GALNT13: variants seen among roughly 807,000 people sequenced by gnomAD.
GALNT13 encodes UDP-GalNAc:polypeptide N-acetylgalactosaminyltransferase 13.
In GALNT13, 28 loss-of-function variants were observed where a neutral mutation model predicts 64.2. That is an observed-to-expected ratio of 0.44 (90% CI 0.32 to 0.60). GALNT13 has a LOEUF of 0.60. Ranked by LOEUF, GALNT13 falls within the 20% of genes least tolerant of loss-of-function variation. GALNT13 has a pLI of 0.05. For missense variants in GALNT13, 577 were observed against 669.8 expected, an observed-to-expected ratio of 0.86 and a Z score of 1.53; for synonymous variants, 214 against 224.6, an observed-to-expected ratio of 0.95 and a Z score of 0.42.
chr2:154,278,808 G>A (rs557927302), intron 8 of GALNT13, among the ~76,000 whole-genome samples: 1 of 151,930 alleles, frequency 6.6e-6, no homozygotes, highest in Non-Finnish European at 1.5e-5. Flanking sequence ...ACATGTAGTG[G>A]GGGAAAAATC....
chr2:153,391,079 G>T, the GALNT13 span, among the ~76,000 whole-genome samples: 1 of 151,906 alleles, frequency 6.6e-6, no homozygotes, highest in East Asian at 1.9e-4. Context: ...TGGGGGAAAA[G>T]CACTCCAGGC....
the GALNT13 span, among the ~76,000 whole-genome samples, chr2:153,628,920 G>A: frequency 6.6e-6 from 1 of 152,200 alleles, no homozygotes; most frequent in African/African-American, 2.4e-5. Context: ...CAGAATGAGT[G>A]GTACCAGTTC....
chr2:153,520,972 A>G, the GALNT13 span, among the ~76,000 whole-genome samples: 1 of 152,210 alleles, frequency 6.6e-6, no homozygotes, highest in Non-Finnish European at 1.5e-5. Flanking sequence ...GAATGTTTAT[A>G]CATTCCCTAT....
At chr2:154,198,128 A>G (rs567183197) in intron 4 of GALNT13, among the ~76,000 whole-genome samples, 1 of 152,228 alleles carries the variant, frequency 6.6e-6, no homozygotes, top group Non-Finnish European at 1.5e-5. Context: ...CCTTTTTAAG[A>G]AATTAAAAAG....
the GALNT13 span, among the ~76,000 whole-genome samples, chr2:153,395,474 A>T: frequency 6.6e-6 from 1 of 152,110 alleles, no homozygotes; most frequent in Admixed American, 6.6e-5. Context: ...GGGGTATTCC[A>T]TTTGGACACC....
the GALNT13 span, among the ~76,000 whole-genome samples, chr2:153,661,623 A>G: frequency 6.6e-6 from 1 of 152,312 alleles, no homozygotes; most frequent in Non-Finnish European, 1.5e-5. Context: ...ATACGGGCAT[A>G]TATGGCCACT....
chr2:153,468,940 A>C, the GALNT13 span, among the ~76,000 whole-genome samples: 1 of 152,074 alleles, frequency 6.6e-6, no homozygotes, highest in South Asian at 2.1e-4. Context: ...GTATGGAAAA[A>C]CTATCGCTGA....
At chr2:153,960,433 T>C (rs140274479) in intron 3 of GALNT13, among the ~76,000 whole-genome samples, 59 of 152,350 alleles carry the variant, frequency 3.9e-4, no homozygotes, top group African/African-American at 1.3e-3. Flanking sequence ...CAGACAGTGT[T>C]ACAGCTCTGG....
chr2:153,291,742 A>AG, the GALNT13 span, among the ~76,000 whole-genome samples: 2 of 60,262 alleles, frequency 3.3e-5, no homozygotes, highest in East Asian at 6.4e-4. Flanking sequence ...TGTGTTCAAA[A>AG]GGAAAAAAAA....
chr2:154,162,638 T>C (rs755575738), intron 4 of GALNT13, among the ~76,000 whole-genome samples: 7 of 152,206 alleles, frequency 4.6e-5, no homozygotes, highest in Non-Finnish European at 7.3e-5. Context: ...TGTTTTTATA[T>C]ATGCATTATT....
At chr2:153,295,630 G>A in the GALNT13 span, among the ~76,000 whole-genome samples, 10 of 151,952 alleles carry the variant, frequency 6.6e-5, no homozygotes, top group African/African-American at 1.7e-4. Context: ...ATTCTTTTGC[G>A]CACTAAAGTT....
chr2:153,594,681 T>C, the GALNT13 span, among the ~76,000 whole-genome samples: 1 of 152,162 alleles, frequency 6.6e-6, no homozygotes, highest in South Asian at 2.1e-4. Flanking sequence ...GTAAATATAT[T>C]TGTTCAAAAC....
intron 9 of GALNT13, among the ~76,000 whole-genome samples, chr2:154,322,760 C>G (rs1258702641): frequency 6.6e-6 from 1 of 151,972 alleles, no homozygotes; most frequent in East Asian, 1.9e-4. Context: ...TGGCAGGATT[C>G]TGTGGGTAAG....
At chr2:153,279,775 G>T in the GALNT13 span, among the ~76,000 whole-genome samples, 1 of 151,930 alleles carries the variant, frequency 6.6e-6, no homozygotes, top group Non-Finnish European at 1.5e-5. Context: ...ATTCTGTTGA[G>T]AATTTTTGCG....
the GALNT13 span, among the ~76,000 whole-genome samples, chr2:153,755,798 A>T: frequency 6.6e-6 from 1 of 152,158 alleles, no homozygotes; most frequent in Non-Finnish European, 1.5e-5. Flanking sequence ...CTCCTTCAAC[A>T]TACTTACTAG....
At chr2:153,970,600 C>G (rs1360530360) in intron 3 of GALNT13, among the ~76,000 whole-genome samples, 1 of 152,126 alleles carries the variant, frequency 6.6e-6, no homozygotes, top group Non-Finnish European at 1.5e-5. Context: ...TACTCCTCTC[C>G]TAATTTTTAG....
the GALNT13 span, among the ~76,000 whole-genome samples, chr2:153,351,080 C>T: frequency 6.6e-6 from 1 of 152,080 alleles, no homozygotes; most frequent in Non-Finnish European, 1.5e-5. Flanking sequence ...ACTAAGTAAG[C>T]TCTATCTAAT....
At chr2:153,191,998 C>A in the GALNT13 span, among the ~76,000 whole-genome samples, 1 of 151,764 alleles carries the variant, frequency 6.6e-6, no homozygotes, top group African/African-American at 2.4e-5. Context: ...TTTTCAAAAA[C>A]CAACTTTTCA....
chr2:153,528,717 A>G, the GALNT13 span, among the ~76,000 whole-genome samples: 2 of 152,058 alleles, frequency 1.3e-5, no homozygotes, highest in African/African-American at 4.8e-5. Flanking sequence ...AGTAATATCA[A>G]CCATGTTCTC....
Sources: gnomAD v4.1 joint callset for allele counts (sites outside exome capture counted in the v4.1 genomes callset) on GRCh38, gnomAD v4.1.1 for gene constraint, MANE v1.5 for transcripts, NCBI Gene and HGNC (gene_info 2026-07-23, HGNC 2026-07-21) for gene names.